The following CYP2E1 variants were observed in gnomAD, a reference collection of about 807,000 sequenced individuals.
The protein encoded by CYP2E1 is cytochrome P450 family 2 subfamily E member 1.
In CYP2E1, 31 loss-of-function variants were observed where a neutral mutation model predicts 42.9. The ratio of observed to expected loss-of-function variants is 0.72; its 90% CI spans 0.54 to 0.98. The LOEUF (loss-of-function observed/expected upper bound fraction) is 0.98. Among genes scored for constraint, CYP2E1 ranks in the 50% least tolerant of loss-of-function variants. The probability of loss-of-function intolerance (pLI) is 0.00; values close to 1 mark genes in which losing one functional copy is unlikely to be tolerated. For synonymous variants in CYP2E1, 244 were observed against 248.9 expected (o/e 0.98, Z 0.19); for missense variants, 565 against 633.2 (o/e 0.89, Z 1.16).
In CYP2E1 at chr10:133,538,690, C is replaced by T. The variant is rs139673464; in HGVS notation, c.1298-90C>T. On this transcript the variant is annotated intron_variant, in intron 8 of 8. Coordinates refer to ENST00000252945, the MANE Select transcript of CYP2E1 (RefSeq NM_000773.4). ...TGTGATGGCCGTTTGCCCACAGCCT[C>T]CTCCTCCCCGCTTCCCCTAGTCTCA... The T allele has an allele frequency of 4.2e-6, 5 of 1,198,404 alleles. No individual in the cohort carries two copies. In the African/African-American group the frequency reaches 6.0e-5, roughly 14 times the overall value. The allele number at this position is 1,198,404 out of a possible 1,614,324, so 74.2% of individuals were successfully genotyped here.
rs1851423077 is a variant in CYP2E1 at position 133,537,770 on chromosome 10, C to T, written c.1175C>T (p.Thr392Ile). 6.2e-7 allele frequency: 1 copy of T among 1,613,786 alleles called. No homozygotes were observed. The highest frequency in any genetic ancestry group is 1.7e-5 in the Admixed American group (1 of 59,998). ...LIPKGTVVVP[T>I]LDSVLYDNQE... ...TCCTAGGGCACAGTCGTAGTGCCAA[C>T]TCTGGACTCTGTTTTGTATGACAAC... Residue 392 changes from threonine (T) to isoleucine (I), a missense_variant, in exon 8 of 9, where the codon ACT becomes ATT. Transcript: ENST00000252945.
rs563043306 is a variant in CYP2E1, at chr10:133,527,436, C to T, written c.41C>T (p.Ala14Val). 2 of 1,613,062 alleles carry T rather than the reference C, an allele frequency of 1.2e-6. No individual in the cohort carries two copies. The highest frequency in any genetic ancestry group is 1.7e-6 in the Non-Finnish European group (2 of 1,179,692). ...LGVTVALLVW[A>V]AFLLLVSMWR... The stretch of plus-strand genomic sequence containing the variant: ...GTCACCGTGGCCCTGCTGGTGTGGG[C>T]GGCCTTCCTCCTGCTGGTGTCCATG... The change falls in exon 1 of 9, where the codon GCG (alanine) becomes GTG (valine). Residue 14 changes from alanine to valine, a missense_variant. Ala to Val is a moderately conservative substitution (Grantham distance 64). Transcript: ENST00000252945.
intron 3 of CYP2E1, 86 bp from the exon 4 acceptor site, chr10:133,532,038 C>T (rs1394084039): frequency 1.5e-6 from 2 of 1,291,990 alleles, no homozygotes. Context: ...TTCTCACAGG[C>T]CTTGGTGAAC....
chr10:133,529,687 T>C (rs1037186888), intron 2 of CYP2E1, among the ~76,000 whole-genome samples: 2 of 152,240 alleles, frequency 1.3e-5, no homozygotes, highest in Admixed American at 6.5e-5. Context: ...ACGCTGGGTG[T>C]TCGCGCTCTT....
At chr10:133,534,709 G>A (rs1395940830) in intron 6 of CYP2E1, among the ~76,000 whole-genome samples, 1 of 152,188 alleles carries the variant, frequency 6.6e-6, no homozygotes, top group African/African-American at 2.4e-5. Flanking sequence ...TGAAGCTGCT[G>A]CTAATGGTCA....
At chr10:133,528,858 G>T (rs1305716918) in intron 2 of CYP2E1, among the ~76,000 whole-genome samples, 1 of 152,270 alleles carries the variant, frequency 6.6e-6, no homozygotes, top group Non-Finnish European at 1.5e-5. Flanking sequence ...CTCGGCGACT[G>T]TGCGGGAGAG....
intron 5 of CYP2E1, 83 bp downstream of exon 5, chr10:133,532,951 T>TG: frequency 7.5e-7 from 1 of 1,330,134 alleles, no homozygotes; most frequent in Non-Finnish European, 1.0e-6. Context: ...GAGCTGCACT[T>TG]GCTGGTGTCC....
rs1430108592 is a variant in CYP2E1, at chr10:133,538,779, G to T, written c.1298-1G>T. On this transcript the variant is annotated splice_acceptor_variant, in intron 8 of 8. Transcript: ENST00000252945. LOFTEE classifies it high-confidence loss of function. Reference sequence around the variant, plus strand: ...CTCATCAATACCATTGTTACTTCTAGGAAAACGAGTGTGTGCTGGAGAAGG... The same window carrying T: ...CTCATCAATACCATTGTTACTTCTATGAAAACGAGTGTGTGCTGGAGAAGG... 1 of 1,613,378 alleles carries T rather than the reference G, an allele frequency of 6.2e-7. No homozygotes were observed. The highest frequency in any genetic ancestry group is 8.5e-7 in the Non-Finnish European group (1 of 1,179,584).
intron 8 of CYP2E1, 115 bp from the exon 9 acceptor site, chr10:133,538,665 T>C (rs1851436605): frequency 3.3e-6 from 3 of 898,334 alleles, no homozygotes; most frequent in Non-Finnish European, 5.3e-6. Context: ...AGTCCTGCCT[T>C]GTGATGGCCG....
chr10:133,531,502 C>A, intron 2 of CYP2E1, 83 bp from the exon 3 acceptor site: 1 of 1,491,740 alleles, frequency 6.7e-7, no homozygotes, highest in Non-Finnish European at 9.3e-7. Context: ...GTAAATCCTG[C>A]CCTGCTCTCC....
Position 133,528,553 on chromosome 10 carries a change from A to C in CYP2E1, c.250A>C (p.Lys84Gln). Reference protein sequence around the residue: ...SQRMVVMHGYKAVKEALLDYK... With the variant: ...SQRMVVMHGYQAVKEALLDYK... Reference sequence around the variant, plus strand: ...GCGCATGGTGGTGATGCACGGCTACAAGGCGGTGAAGGAAGCGCTGCTGGA... The same window carrying C: ...GCGCATGGTGGTGATGCACGGCTACCAGGCGGTGAAGGAAGCGCTGCTGGA... The change falls in exon 2 of 9, where the codon AAG becomes CAG. Residue 84 changes from lysine (K) to glutamine (Q), a missense_variant. By Grantham distance (53) the Lys-to-Gln change is moderately conservative. Coordinates refer to ENST00000252945, the MANE Select transcript of CYP2E1 (RefSeq NM_000773.4). 1 of 1,613,482 alleles carries C rather than the reference A, an allele frequency of 6.2e-7. No individual in the cohort carries two copies.
At chr10:133,528,766 A>G in intron 2 of CYP2E1, 126 bp downstream of exon 2, 1 of 1,227,198 alleles carries the variant, frequency 8.1e-7, no homozygotes, top group Non-Finnish European at 1.1e-6. Flanking sequence ...CAGCATCCGA[A>G]GGATGAGATC....
At position 133,536,414 on chromosome 10, in the gene CYP2E1, CGGAT is replaced by C. The variant is rs1314200001; in HGVS notation, c.968-622_968-619del. On this transcript the variant is annotated intron_variant, in intron 6 of 8. Coordinates refer to ENST00000252945, the MANE Select transcript of CYP2E1 (RefSeq NM_000773.4). ...CTGGATGGGTGGGTGGATGGACGGA[CGGAT>C]GGATGGATGGATGGATGGATGGATG... Among the ~76,000 whole-genome samples the C allele has an allele frequency of 2.0e-3, 276 of 137,180 alleles. 2 individuals carry two copies. The highest frequency in any genetic ancestry group is 8.7e-3 in the South Asian group (35 of 4,042). The allele number at this position is 137,180 out of a possible 152,430, so 90.0% of individuals were successfully genotyped here.
At position 133,531,363 on chromosome 10, in the gene CYP2E1, C is replaced by T. The variant is rs1342272518; in HGVS notation, c.338-222C>T. Among the ~76,000 whole-genome samples the T allele has an allele frequency of 2.6e-5, 4 of 152,138 alleles. No individual in the cohort carries two copies. The South Asian group carries it at 8.3e-4, about 32-fold the overall frequency. Reference sequence around the variant, plus strand: ...TACATGTGATGAAGAAACCACAGTGCAGACTGTGAGGACCCCAGAAAGGCT... The same window carrying T: ...TACATGTGATGAAGAAACCACAGTGTAGACTGTGAGGACCCCAGAAAGGCT... On this transcript the variant is annotated intron_variant, in intron 2 of 8. Coordinates refer to ENST00000252945, the MANE Select transcript of CYP2E1 (RefSeq NM_000773.4).
At chr10:133,532,568 C>T (rs1851352316) in intron 4 of CYP2E1, 124 bp from the exon 5 acceptor site, 1 of 984,940 alleles carries the variant, frequency 1.0e-6, no homozygotes, top group African/African-American at 1.6e-5. Flanking sequence ...ACTGTTGACC[C>T]AAAATATTCC....
chr10:133,528,655 C>T lies in CYP2E1; in HGVS notation c.337+15C>T, dbSNP rs8192767. ...CAGGGACAGGGGTGAGTCCGCGTCC[C>T]TGGCACGGAGCGGGGGGTGCATAAC... On this transcript the variant is annotated intron_variant, in intron 2 of 8. Coordinates refer to ENST00000252945, the MANE Select transcript of CYP2E1 (RefSeq NM_000773.4). 318 of 1,612,552 alleles carry T rather than the reference C, an allele frequency of 2.0e-4. 4 individuals are homozygous for T. In the East Asian group the frequency reaches 6.5e-3, roughly 33 times the overall value.
chr10:133,537,484 T>C, intron 7 of CYP2E1: 1 of 602,820 alleles, frequency 1.7e-6, no homozygotes. Flanking sequence ...AGATAGTGCC[T>C]GGGACTGTAG....
At chr10:133,532,051 C>T (rs569885410) in intron 3 of CYP2E1, 73 bp from the exon 4 acceptor site, 26 of 1,432,102 alleles carry the variant, frequency 1.8e-5, no homozygotes, top group Non-Finnish European at 2.3e-5. Context: ...TGGTGAACCT[C>T]AGTGGGTGAC....
chr10:133,535,730 G>A (rs1851387418), intron 6 of CYP2E1, among the ~76,000 whole-genome samples: 1 of 152,150 alleles, frequency 6.6e-6, no homozygotes, highest in African/African-American at 2.4e-5. Context: ...TTCCATCAGA[G>A]CTCTTAAAAA....
Sources: gnomAD v4.1 joint callset for allele counts (sites outside exome capture counted in the v4.1 genomes callset) on GRCh38, gnomAD v4.1.1 for gene constraint, MANE v1.5 for transcripts, NCBI Gene and HGNC (gene_info 2026-07-23, HGNC 2026-07-21) for gene names.